POLN: variants seen among roughly 807,000 people sequenced by gnomAD.
POLN encodes DNA polymerase nu.
In POLN, 108 loss-of-function variants were observed where a neutral mutation model predicts 113.5. The observed-to-expected ratio is 0.95, with a 90% CI of 0.81 to 1.12. The LOEUF is 1.12. Ranked by LOEUF, POLN falls within the 50% of genes most tolerant of loss-of-function variation. The pLI, the probability that POLN is intolerant of heterozygous loss-of-function variation, is 0.00. For synonymous variants in POLN, 386 were observed against 391.5 expected (o/e 0.99, Z 0.17); for missense variants, 1,097 against 1,077.1 (o/e 1.02, Z -0.26).
chr4:2,131,243 C>G lies in POLN; in HGVS notation c.1779G>C (p.Lys593Asn). The change falls in exon 17 of 26, where the codon AAG becomes AAC. Residue 593 changes from lysine (K) to asparagine (N), a missense_variant. Transcript: ENST00000511885. ...TAAGAAATGAGTTACCTTTAAAATT[C>G]TTAGGTGTAGTAATCTGAATTGGGT... ...SKHPIQITTP[K>N]NFKGKEDKIL... is the part of the protein sequence containing the mutation. 1 of 1,588,762 alleles carries G rather than the reference C, an allele frequency of 6.3e-7. No individual in the cohort carries two copies. The highest frequency in any genetic ancestry group is 8.6e-7 in the Non-Finnish European group (1 of 1,159,000).
At chr4:2,128,319 T>C in intron 18 of POLN, 92 bp from the exon 19 acceptor site, 1 of 731,120 alleles carries the variant, frequency 1.4e-6, no homozygotes, top group South Asian at 1.7e-5. Flanking sequence ...CTCTCCTGAC[T>C]CTGTAGCCTC....
At chr4:2,098,456 T>G (rs898902554) in intron 19 of POLN, among the ~76,000 whole-genome samples, 1 of 152,144 alleles carries the variant, frequency 6.6e-6, no homozygotes, top group Non-Finnish European at 1.5e-5. Flanking sequence ...TGTAGACTAT[T>G]TTATAAAATA....
At chr4:2,142,799 A>G (rs1732035133) in intron 16 of POLN, among the ~76,000 whole-genome samples, 1 of 152,102 alleles carries the variant, frequency 6.6e-6, no homozygotes, top group African/African-American at 2.4e-5. Flanking sequence ...CAAACACCAC[A>G]CAAAAACCCG....
rs1291851049 is a variant in POLN at position 2,208,247 on chromosome 4, T to C, written c.454A>G (p.Ile152Val). The C allele has an allele frequency of 1.1e-5, 17 of 1,587,254 alleles. No homozygotes were observed. The highest frequency in any genetic ancestry group is 2.2e-5 in the East Asian group (1 of 44,724). ...ENINNENKGS[I>V]NLKRKHITYN... ...GTAATATGTTTTCTTTTAAGATTAA[T>C]GCTTCCTTTATTTTCATTATTTATA... The change falls in exon 5 of 26, where the codon ATT (isoleucine) becomes GTT (valine). Residue 152 changes from isoleucine (I) to valine (V), a missense_variant. Physicochemically the swap from Ile to Val is conservative, Grantham distance 29. Transcript: ENST00000511885.
chr4:2,149,761 G>C (rs1732242908), intron 16 of POLN, among the ~76,000 whole-genome samples: 1 of 152,122 alleles, frequency 6.6e-6, no homozygotes, highest in African/African-American at 2.4e-5. Flanking sequence ...ACTCTAGCCT[G>C]GGCAACAGAG....
At chr4:2,196,920 G>C (rs184318977) in intron 6 of POLN, among the ~76,000 whole-genome samples, 1 of 152,332 alleles carries the variant, frequency 6.6e-6, no homozygotes, top group East Asian at 1.9e-4. Context: ...GGTGGCACCA[G>C]GCCCTTGGGT....
Position 2,078,873 on chromosome 4 carries a change from A to G in POLN, c.2387+2085T>C, listed in dbSNP as rs537274843. The G allele has an allele frequency of 5.1e-6, 5 of 985,442 alleles. No homozygotes were observed. In the East Asian group the frequency reaches 5.7e-4, roughly 112 times the overall value. 61.0% of individuals were successfully genotyped at this position (985,442 alleles called of 1,614,324 possible). ...AGGACTCAGTCAGCAACAGAGAGAG[A>G]CCTCAGCTCCTCACATGCCAACTTC... is the stretch of plus-strand genomic sequence containing the variant. On this transcript the variant is annotated intron_variant, in intron 23 of 25. Transcript: ENST00000511885.
At chr4:2,101,591 C>G (rs1730927114) in intron 19 of POLN, among the ~76,000 whole-genome samples, 1 of 152,240 alleles carries the variant, frequency 6.6e-6, no homozygotes, top group Non-Finnish European at 1.5e-5. Context: ...AGGGAGGGAA[C>G]ATGCCCTGGG....
intron 5 of POLN, among the ~76,000 whole-genome samples, chr4:2,201,293 A>AC (rs1419185905): frequency 6.7e-5 from 10 of 148,766 alleles, no homozygotes; most frequent in East Asian, 2.0e-4. Context: ...AAAAAAAAAA[A>AC]AAAAAAAAAA....
At chr4:2,177,720 T>C (rs900460760) in intron 8 of POLN, among the ~76,000 whole-genome samples, 2 of 152,266 alleles carry the variant, frequency 1.3e-5, no homozygotes, top group African/African-American at 4.8e-5. Flanking sequence ...TTCTAATATC[T>C]CAGCTTCTGT....
At chr4:2,088,984 C>T (rs1730608963) in intron 20 of POLN, 3 of 873,150 alleles carry the variant, frequency 3.4e-6, no homozygotes, top group Middle Eastern at 4.3e-4. Flanking sequence ...GTTTCCTAGT[C>T]AGACAGCCTT....
intron 14 of POLN, 71 bp from the exon 15 acceptor site, chr4:2,157,982 C>G: frequency 8.2e-7 from 1 of 1,221,460 alleles, no homozygotes; most frequent in South Asian, 1.3e-5. Flanking sequence ...GAAGGAGTCT[C>G]GCTCCATTGC....
At chr4:2,138,454 G>A (rs1271490946) in intron 16 of POLN, among the ~76,000 whole-genome samples, 2 of 152,180 alleles carry the variant, frequency 1.3e-5, no homozygotes, top group Non-Finnish European at 2.9e-5. Context: ...ACCAAGATGT[G>A]CAGGCAACAA....
chr4:2,242,001 T>C, intron 1 of POLN, 50 bp downstream of exon 1: 1 of 985,432 alleles, frequency 1.0e-6, no homozygotes, highest in African/African-American at 1.7e-5. Context: ...TCGCGGCCAC[T>C]CCTCCAGCCC....
At chr4:2,098,148 T>TA (rs1730840907) in intron 19 of POLN, among the ~76,000 whole-genome samples, 1 of 152,224 alleles carries the variant, frequency 6.6e-6, no homozygotes, top group Non-Finnish European at 1.5e-5. Context: ...GTGCAGTGGC[T>TA]CATGCCTGTA....
rs1296076910 is a variant in POLN at position 2,208,242 on chromosome 4, ATT to A, written c.457_458del (p.Asn153SerfsTer2). ...NINNENKGSI[N>X]LKRKHITYNN... is the part of the protein sequence containing the mutation. ...TATATGTAATATGTTTTCTTTTAAG[ATT>A]AATGCTTCCTTTATTTTCATTATTT... On this transcript the variant is annotated frameshift_variant, in exon 5 of 26. Coordinates refer to ENST00000511885, the MANE Select transcript of POLN (RefSeq NM_181808.4). LOFTEE classifies it high-confidence loss of function. 5.1e-5 allele frequency: 81 copies of A among 1,587,710 alleles called. 1 individual carries two copies. In the Admixed American group the frequency reaches 1.4e-3, roughly 27 times the overall value.
At chr4:2,115,268 A>C (rs1731290543) in intron 19 of POLN, among the ~76,000 whole-genome samples, 2 of 146,360 alleles carry the variant, frequency 1.4e-5, no homozygotes, top group African/African-American at 5.0e-5. Context: ...GGGTTTCACC[A>C]TGTTGGCCAG....
intron 20 of POLN, chr4:2,089,594 C>G: frequency 2.0e-6 from 2 of 1,003,756 alleles, no homozygotes; most frequent in Non-Finnish European, 2.9e-6. Context: ...TCTTTACTAG[C>G]ATTTAAATTA....
rs540128999 is a variant in POLN at position 2,127,096 on chromosome 4, T to C, written c.1982+1017A>G. On this transcript the variant is annotated intron_variant, in intron 19 of 25. Coordinates refer to ENST00000511885, the MANE Select transcript of POLN (RefSeq NM_181808.4). This position sits in a 1 kb window ranked among gnomAD's most constrained non-coding sequence, Gnocchi z 4.7. ...GCCTTTCTGTGTGACATCGTGAGGG[T>C]GAACAGGTGGCAGGAGATGAGCTGG... Among the ~76,000 whole-genome samples the C allele has an allele frequency of 6.3e-3, 879 of 139,670 alleles. 9 individuals carry two copies. The highest frequency in any genetic ancestry group is 7.2e-3 in the Non-Finnish European group (466 of 65,150). 91.6% of individuals were successfully genotyped at this position (139,670 alleles called of 152,430 possible). A position where few individuals can be genotyped will look rare whatever the true frequency, so the allele number is the denominator to read the frequency against.
Sources: allele counts gnomAD v4.1 joint callset (sites outside exome capture counted in the v4.1 genomes callset), GRCh38; gene constraint gnomAD v4.1.1; non-coding constraint Gnocchi (gnomAD v3.1); transcripts MANE v1.5; gene names NCBI Gene and HGNC (gene_info 2026-07-23, HGNC 2026-07-21).